The following UPP2 variants were observed in gnomAD, a reference collection of about 807,000 sequenced individuals.
The protein encoded by UPP2 is uridine phosphorylase 2.
In UPP2, 23 loss-of-function variants were observed where a neutral mutation model predicts 26.7. The ratio of observed to expected loss-of-function variants is 0.86; its 90% confidence interval spans 0.62 to 1.22. UPP2 has a LOEUF of 1.22. Ranked by LOEUF, UPP2 falls within the 50% of genes most tolerant of loss-of-function variation. UPP2 has a pLI of 0.00. For missense variants in UPP2, 387 were observed against 396.7 expected (o/e 0.98, Z 0.21); for synonymous variants, 127 against 141.3 (o/e 0.90, Z 0.72).
chr2:158,019,572 A>G (rs553580440), intron 3 of UPP2, among the ~76,000 whole-genome samples: 72 of 151,984 alleles, frequency 4.7e-4, no homozygotes, highest in Non-Finnish European at 8.4e-4. Flanking sequence ...CTCTTTAATG[A>G]TAGCCTGTAT....
chr2:158,115,033 G>C (rs1683394585), intron 2 of UPP2, 68 bp from the exon 3 acceptor site: 1 of 1,426,536 alleles, frequency 7.0e-7, no homozygotes, highest in Non-Finnish European at 9.3e-7. Context: ...AAAAACATTA[G>C]AGTTGAAACT....
At chr2:158,029,795 CTTTTTTT>C (rs565905140) in intron 3 of UPP2, among the ~76,000 whole-genome samples, 10 of 132,508 alleles carry the variant, frequency 7.5e-5, no homozygotes, top group Admixed American at 6.8e-4. Flanking sequence ...CATCTCGTTT[CTTTTTTT>C]TTTTTTTTTT....
chr2:158,026,420 G>T (rs915191142), intron 3 of UPP2, among the ~76,000 whole-genome samples: 3 of 152,160 alleles, frequency 2.0e-5, no homozygotes, highest in Admixed American at 1.3e-4. Flanking sequence ...CCAGCTCACT[G>T]CAGGCAAAAT....
chr2:158,128,097 C>A (rs1404129312), intron 6 of UPP2: 3 of 829,914 alleles, frequency 3.6e-6, no homozygotes, highest in East Asian at 1.2e-4. Flanking sequence ...CACAGGCTTG[C>A]CTGACAATAT....
intron 3 of UPP2, among the ~76,000 whole-genome samples, chr2:158,071,408 G>A (rs1682537557): frequency 6.6e-6 from 1 of 151,874 alleles, no homozygotes; most frequent in Non-Finnish European, 1.5e-5. Context: ...AATATTAGCT[G>A]GGCATGGTGG....
chr2:158,006,330 G>A (rs1203602978), intron 2 of UPP2, among the ~76,000 whole-genome samples: 1 of 152,072 alleles, frequency 6.6e-6, no homozygotes, highest in Non-Finnish European at 1.5e-5. Flanking sequence ...TTAGCCGGGC[G>A]TGGTGGTGGG....
At chr2:158,097,852 AATTAT>A (rs1353049859), upstream of UPP2, among the ~76,000 whole-genome samples, 1 of 152,170 alleles carries the variant, frequency 6.6e-6, no homozygotes, top group Non-Finnish European at 1.5e-5. Flanking sequence ...TCTTGCTTAT[AATTAT>A]AATATAGTAC....
intron 2 of UPP2, among the ~76,000 whole-genome samples, chr2:158,001,318 G>A (rs1222770349): frequency 6.6e-6 from 1 of 152,164 alleles, no homozygotes; most frequent in Non-Finnish European, 1.5e-5. Context: ...GCAGTACCCT[G>A]GGCTAGTAGA....
At chr2:158,092,304 T>C (rs1682923980) in intron 3 of UPP2, among the ~76,000 whole-genome samples, 1 of 152,120 alleles carries the variant, frequency 6.6e-6, no homozygotes, top group Admixed American at 6.5e-5. Flanking sequence ...CTAAACACAT[T>C]TTAATAAAGC....
intron 3 of UPP2, among the ~76,000 whole-genome samples, chr2:158,019,685 CACAA>C (rs1558905420): frequency 8.0e-6 from 1 of 124,986 alleles, no homozygotes; most frequent in Non-Finnish European, 1.7e-5. Flanking sequence ...CACACACACA[CACAA>C]GAAAGACAGA....
upstream of UPP2, among the ~76,000 whole-genome samples, chr2:158,101,579 G>A (rs13383975): frequency 0.015 from 2,244 of 152,280 alleles, 61 homozygotes; most frequent in African/African-American, 0.05. Flanking sequence ...GAAAGTTCTC[G>A]TATGTACTGG....
chr2:158,004,270 G>A (rs114297482), intron 2 of UPP2, among the ~76,000 whole-genome samples: 1,921 of 152,124 alleles, frequency 0.013, 40 homozygotes, highest in African/African-American at 0.043. Context: ...GTCGGGGGAT[G>A]ATCTGCCTTA....
At chr2:158,060,362 A>C (rs1682334213) in intron 3 of UPP2, among the ~76,000 whole-genome samples, 1 of 152,182 alleles carries the variant, frequency 6.6e-6, no homozygotes, top group Non-Finnish European at 1.5e-5. Context: ...CATGTAAAGC[A>C]CTTCAAGGAG....
At chr2:158,067,815 C>A (rs1475153640) in intron 3 of UPP2, among the ~76,000 whole-genome samples, 1 of 152,042 alleles carries the variant, frequency 6.6e-6, no homozygotes, top group African/African-American at 2.4e-5. Flanking sequence ...AAAATGTTTT[C>A]AATTTATTTT....
At chr2:158,063,895 C>T (rs933739282) in intron 3 of UPP2, among the ~76,000 whole-genome samples, 2 of 152,178 alleles carry the variant, frequency 1.3e-5, no homozygotes, top group South Asian at 2.1e-4. Flanking sequence ...TGGTTTCCAG[C>T]TTCATCTTTG....
At chr2:158,068,267 G>A (rs77949341) in intron 3 of UPP2, among the ~76,000 whole-genome samples, 4,053 of 152,220 alleles carry the variant, frequency 0.027, 184 homozygotes, top group African/African-American at 0.092. Flanking sequence ...AAATTGTGAA[G>A]CACTGGTTTT....
chr2:158,062,444 G>A (rs1216605483), intron 3 of UPP2, among the ~76,000 whole-genome samples: 2 of 152,226 alleles, frequency 1.3e-5, no homozygotes, highest in South Asian at 2.1e-4. Flanking sequence ...GTGCTCCTGG[G>A]ACATGTATCC....
intron 3 of UPP2, among the ~76,000 whole-genome samples, chr2:158,044,608 A>G (rs1443696059): frequency 6.6e-6 from 1 of 152,188 alleles, no homozygotes; most frequent in African/African-American, 2.4e-5. Context: ...CACAATGTAT[A>G]CACATTGTGG....
At chr2:158,054,024 G>A (rs1682203333) in intron 3 of UPP2, among the ~76,000 whole-genome samples, 1 of 152,140 alleles carries the variant, frequency 6.6e-6, no homozygotes, top group Non-Finnish European at 1.5e-5. Flanking sequence ...TTGAAAAAGT[G>A]CAAAAGGAGA....
Sources: allele counts gnomAD v4.1 joint callset (sites outside exome capture counted in the v4.1 genomes callset), GRCh38; gene constraint gnomAD v4.1.1; transcripts MANE v1.5; gene names NCBI Gene and HGNC (gene_info 2026-07-23, HGNC 2026-07-21).